The following PDE4D variants were observed in gnomAD, a reference collection of about 807,000 sequenced individuals.
PDE4D encodes phosphodiesterase 4D.
PDE4D carries 24 observed loss-of-function variants against 87.4 expected under a neutral mutation model. The observed-to-expected ratio is 0.27, with a 90% CI of 0.20 to 0.39. The LOEUF is 0.39. Ranked by LOEUF, PDE4D falls within the 10% of genes least tolerant of loss-of-function variation. The pLI is 1.00. For synonymous variants in PDE4D, 384 were observed against 383.2 expected (o/e 1.00, Z -0.02); for missense variants, 714 against 1,041.0 (o/e 0.69, Z 4.32).
At chr5:60,053,654 C>T (rs889845840) in intron 2 of PDE4D, among the ~76,000 whole-genome samples, 30 of 152,094 alleles carry the variant, frequency 2.0e-4, no homozygotes, top group African/African-American at 6.8e-4. Context: ...GACTAAAACA[C>T]CAAAAGCAAT....
intron 1 of PDE4D, among the ~76,000 whole-genome samples, chr5:59,550,771 A>G (rs1455036546): frequency 6.7e-6 from 1 of 149,756 alleles, no homozygotes; most frequent in Non-Finnish European, 1.5e-5. Flanking sequence ...GACTCAGCTT[A>G]CTGCAACCTC....
At chr5:59,790,539 A>G (rs1265747159) in intron 1 of PDE4D, among the ~76,000 whole-genome samples, 1 of 152,212 alleles carries the variant, frequency 6.6e-6, no homozygotes, top group Non-Finnish European at 1.5e-5. Flanking sequence ...TCTGATGCCC[A>G]AAGTGAATAA....
At chr5:59,874,264 T>C (rs996891612) in intron 1 of PDE4D, among the ~76,000 whole-genome samples, 3 of 152,130 alleles carry the variant, frequency 2.0e-5, no homozygotes, top group African/African-American at 7.2e-5. Context: ...TCACATAATG[T>C]CCCTTCACTC....
At chr5:59,880,668 G>A (rs1270376814) in intron 1 of PDE4D, among the ~76,000 whole-genome samples, 1 of 152,092 alleles carries the variant, frequency 6.6e-6, no homozygotes, top group Non-Finnish European at 1.5e-5. Context: ...TCTTCACCAT[G>A]TTTTGTATAA....
chr5:60,433,907 G>A (rs996392180), intron 1 of PDE4D, among the ~76,000 whole-genome samples: 2 of 152,298 alleles, frequency 1.3e-5, no homozygotes, highest in Middle Eastern at 6.8e-3. Flanking sequence ...AGGACAGACA[G>A]CGGGGCCTAT....
intron 1 of PDE4D, among the ~76,000 whole-genome samples, chr5:59,401,572 G>T: frequency 6.6e-6 from 1 of 152,130 alleles, no homozygotes; most frequent in South Asian, 2.1e-4. Context: ...TGAGAGATGA[G>T]CTTTATACTG....
At chr5:59,159,166 A>AT (rs1359059501) in intron 5 of PDE4D, among the ~76,000 whole-genome samples, 2 of 151,788 alleles carry the variant, frequency 1.3e-5, no homozygotes, top group African/African-American at 2.4e-5. Flanking sequence ...ACTACTTAAG[A>AT]TTTTTTGCCC....
chr5:58,990,694 A>C lies in PDE4D; in HGVS notation c.1287+110T>G. On this transcript the variant is annotated intron_variant, in intron 9 of 14. Transcript: ENST00000340635. ...GGAGCAAATAAGGATAAAAGTATAA[A>C]AATAAGCAAAAGGTGGGGAATATTA... 6.3e-6 allele frequency: 4 copies of C among 633,312 alleles called. No individual in the cohort carries two copies. In the South Asian group the frequency reaches 8.3e-5, roughly 13 times the overall value. 39.2% of individuals were successfully genotyped at this position (633,312 alleles called of 1,614,324 possible). A position where few individuals can be genotyped will look rare whatever the true frequency, so the allele number is the denominator to read the frequency against.
intron 6 of PDE4D, among the ~76,000 whole-genome samples, chr5:59,032,352 A>G (rs776665344): frequency 6.6e-6 from 1 of 152,146 alleles, no homozygotes; most frequent in Non-Finnish European, 1.5e-5. Context: ...GAGGCCGAGG[A>G]GGGAGGATCA....
chr5:59,296,121 G>C (rs1015317655), intron 1 of PDE4D, among the ~76,000 whole-genome samples: 2 of 152,002 alleles, frequency 1.3e-5, no homozygotes, highest in African/African-American at 4.8e-5. Context: ...TTGGGGTCGG[G>C]GTGGTTACTA....
chr5:59,944,053 C>G (rs571321752), intron 3 of PDE4D, among the ~76,000 whole-genome samples: 1 of 152,322 alleles, frequency 6.6e-6, no homozygotes, highest in African/African-American at 2.4e-5. Flanking sequence ...GAGGCACAAA[C>G]AGATCCTTAA....
At chr5:60,201,431 G>A (rs569368148) in intron 1 of PDE4D, among the ~76,000 whole-genome samples, 1 of 152,188 alleles carries the variant, frequency 6.6e-6, no homozygotes, top group South Asian at 2.1e-4. Flanking sequence ...AAACTTCATT[G>A]AAGTACATAA....
intron 1 of PDE4D, among the ~76,000 whole-genome samples, chr5:60,254,263 T>C (rs1748799704): frequency 6.6e-6 from 1 of 151,940 alleles, no homozygotes; most frequent in Non-Finnish European, 1.5e-5. Flanking sequence ...GCAAGAGATT[T>C]CTTTCCTTCA....
At chr5:59,199,835 T>C (rs530016150) in intron 2 of PDE4D, among the ~76,000 whole-genome samples, 1 of 152,146 alleles carries the variant, frequency 6.6e-6, no homozygotes, top group African/African-American at 2.4e-5. Flanking sequence ...TGTGTGTGTA[T>C]GTGTATATGT....
chr5:60,486,476 A>G (rs1019281198), intron 1 of PDE4D, among the ~76,000 whole-genome samples: 1 of 152,214 alleles, frequency 6.6e-6, no homozygotes, highest in Non-Finnish European at 1.5e-5. Context: ...TACGTTGGCT[A>G]CTTTTCTTTC....
At chr5:59,935,372 T>C (rs1756451996) in intron 3 of PDE4D, among the ~76,000 whole-genome samples, 1 of 152,118 alleles carries the variant, frequency 6.6e-6, no homozygotes, top group African/African-American at 2.4e-5. Flanking sequence ...GTTGAGGTGA[T>C]TTAATGTGTT....
At chr5:60,400,521 C>CAA (rs56750243) in intron 1 of PDE4D, among the ~76,000 whole-genome samples, 798 of 61,496 alleles carry the variant, frequency 0.013, 31 homozygotes, top group African/African-American at 0.033. Flanking sequence ...GACTCCATCT[C>CAA]AAAAAAAAAA....
At chr5:59,394,069 C>T (rs1267610398) in intron 1 of PDE4D, among the ~76,000 whole-genome samples, 1 of 152,160 alleles carries the variant, frequency 6.6e-6, no homozygotes, top group African/African-American at 2.4e-5. Context: ...GTGTTTTCCA[C>T]CTTTAGTGAT....
At chr5:59,574,860 A>G (rs1822867551) in intron 1 of PDE4D, among the ~76,000 whole-genome samples, 1 of 152,208 alleles carries the variant, frequency 6.6e-6, no homozygotes, top group Non-Finnish European at 1.5e-5. Flanking sequence ...GTTCTCTGAC[A>G]AAACTACATA....
Sources: gnomAD v4.1 joint callset for allele counts (sites outside exome capture counted in the v4.1 genomes callset) on GRCh38, gnomAD v4.1.1 for gene constraint, MANE v1.5 for transcripts, NCBI Gene and HGNC (gene_info 2026-07-23, HGNC 2026-07-21) for gene names.